DNMT3B: variants seen among roughly 807,000 people sequenced by gnomAD.
DNMT3B encodes DNA methyltransferase 3 beta, also known as DNA (cytosine-5)-methyltransferase 3B.
In DNMT3B, 37 loss-of-function variants were observed where a neutral mutation model predicts 120.2. The observed-to-expected ratio is 0.31, with a 90% CI of 0.24 to 0.40. The LOEUF (loss-of-function observed/expected upper bound fraction) is 0.40, where lower values mean the gene tolerates loss of function less well. DNMT3B is among the 10% of genes least tolerant of loss of function. The probability of loss-of-function intolerance (pLI) is 1.00; values close to 1 mark genes in which losing one functional copy is unlikely to be tolerated. For synonymous variants in DNMT3B, 412 were observed against 442.8 expected, an observed-to-expected ratio of 0.93 and a Z score of 0.87; for missense variants, 878 against 1,137.3, an observed-to-expected ratio of 0.77 and a Z score of 3.28.
intron 7 of DNMT3B, among the ~76,000 whole-genome samples, chr20:32,790,535 C>CT (rs1202459434): frequency 8.0e-6 from 1 of 124,846 alleles, no homozygotes; most frequent in Non-Finnish European, 1.7e-5. Flanking sequence ...GCGGTTTCCC[C>CT]CCACCAGAGC....
At chr20:32,778,050 C>T (rs903280421) in intron 1 of DNMT3B, among the ~76,000 whole-genome samples, 1 of 152,144 alleles carries the variant, frequency 6.6e-6, no homozygotes, top group African/African-American at 2.4e-5. Context: ...GTGAAAATCC[C>T]GCTTCAGGCC....
intron 21 of DNMT3B, 114 bp from the exon 22 acceptor site, chr20:32,806,095 C>A: frequency 1.0e-6 from 1 of 959,768 alleles, no homozygotes; most frequent in South Asian, 1.3e-5. Context: ...CCAGCCCTGC[C>A]ACTCTTCTGC....
At chr20:32,793,455 A>G in intron 9 of DNMT3B, 81 bp from the exon 10 acceptor site, 1 of 1,504,000 alleles carries the variant, frequency 6.6e-7, no homozygotes, top group East Asian at 2.3e-5. Flanking sequence ...GTGACAGAGC[A>G]AGACCTTGTC....
intron 1 of DNMT3B, among the ~76,000 whole-genome samples, chr20:32,768,602 C>T (rs1987531604): frequency 6.6e-6 from 1 of 152,108 alleles, no homozygotes; most frequent in African/African-American, 2.4e-5. Flanking sequence ...TGTGAGCCAC[C>T]ATGCCTGGTC....
intron 20 of DNMT3B, among the ~76,000 whole-genome samples, chr20:32,802,722 G>T (rs1981503879): frequency 6.6e-6 from 1 of 152,182 alleles, no homozygotes; most frequent in African/African-American, 2.4e-5. Flanking sequence ...CCACGTGGCT[G>T]GGTGTGGTGG....
intron 20 of DNMT3B, among the ~76,000 whole-genome samples, chr20:32,803,452 C>A (rs767331905): frequency 1.3e-5 from 2 of 152,198 alleles, no homozygotes; most frequent in African/African-American, 2.4e-5. Context: ...GGCTAAGCAG[C>A]CAGTCTTAGG....
intron 1 of DNMT3B, among the ~76,000 whole-genome samples, chr20:32,763,973 GCTT>G (rs1987138374): frequency 6.6e-6 from 1 of 152,200 alleles, no homozygotes; most frequent in Non-Finnish European, 1.5e-5. Flanking sequence ...GCCTGCTGGG[GCTT>G]CTTGTTCACC....
At position 32,784,753 on chromosome 20, in the gene DNMT3B, T is replaced by C; in HGVS notation, c.205-5T>C. The C allele has an allele frequency of 6.2e-7, 1 of 1,614,054 alleles. No individual in the cohort carries two copies. Among genetic ancestry groups the C allele is most frequent in the Non-Finnish European group, 8.5e-7 (1 of 1,179,978 alleles). ...TCATCATGTTCATCATGTTTCCTTATAAAGGACTTGACAGGCGATGGCGAC... is the reference window on the plus strand; with the variant it reads ...TCATCATGTTCATCATGTTTCCTTACAAAGGACTTGACAGGCGATGGCGAC... On this transcript the variant is annotated splice_polypyrimidine_tract_variant and splice_region_variant and intron_variant, in intron 3 of 22. Transcript: ENST00000328111.
At chr20:32,767,115 C>A (rs780779351) in intron 1 of DNMT3B, among the ~76,000 whole-genome samples, 1 of 151,946 alleles carries the variant, frequency 6.6e-6, no homozygotes, top group East Asian at 1.9e-4. Context: ...TGGTCTCGAA[C>A]TCCCAACCTC....
chr20:32,797,599 T>C (rs1980795986), intron 14 of DNMT3B, among the ~76,000 whole-genome samples: 1 of 151,834 alleles, frequency 6.6e-6, no homozygotes. Context: ...GCTCAAGCAA[T>C]CCTCCCACCT....
chr20:32,799,341 AACACCTGGAGACACTGCTATCGTGTC>A lies in DNMT3B; in HGVS notation c.1759+17_1759+42del, dbSNP rs1330796542. ...GGCATCGCGACAGGTGAGTTCGGGG[AACACCTGGAGACACTGCTATCGTGTC>A]ACAACAGGGTAGCCAGGGAGTCAGA... is the stretch of plus-strand genomic sequence containing the variant. On this transcript the variant is annotated intron_variant, in intron 16 of 22. Transcript: ENST00000328111. 5.6e-6 allele frequency: 9 copies of A among 1,609,690 alleles called. No homozygotes were observed. The South Asian group carries it at 8.9e-5, about 16-fold the overall frequency.
Position 32,762,472 on chromosome 20 carries a change from G to A in DNMT3B, c.-234G>A, listed in dbSNP as rs756914098. On this transcript the variant is annotated 5_prime_UTR_variant, in exon 1 of 23. Coordinates refer to ENST00000328111, the MANE Select transcript of DNMT3B (RefSeq NM_006892.4). ...CGGCCGCAGCCCGCGTGGACGCTCC[G>A]AGCGCCCCCCGACGGACGGGACCGG... is the stretch of plus-strand genomic sequence containing the variant. The A allele has an allele frequency of 1.1e-5, 2 of 178,774 alleles. No individual in the cohort carries two copies. Among genetic ancestry groups the A allele is most frequent in the Non-Finnish European group, 1.2e-5 (1 of 85,300 alleles). 11.1% of individuals were successfully genotyped at this position (178,774 alleles called of 1,614,324 possible).
intron 20 of DNMT3B, among the ~76,000 whole-genome samples, chr20:32,803,738 G>C (rs1487572080): frequency 6.6e-6 from 1 of 152,108 alleles, no homozygotes; most frequent in Admixed American, 6.5e-5. Context: ...GTGGGAAGAG[G>C]GTCTGGGATG....
Position 32,788,883 on chromosome 20 carries a change from C to T in DNMT3B, c.684C>T (p.Leu228=), listed in dbSNP as rs373811098. The T allele has an allele frequency of 6.9e-5, 111 of 1,613,686 alleles. No homozygotes were observed. Among genetic ancestry groups the T allele is most frequent in the Middle Eastern group, 6.6e-4 (4 of 6,084 alleles). ...GGAAGGAGTTTGGAATAGGGGACCTCGTGTGGGGAAAGATCAAGGGCTTCT... is the reference window on the plus strand; with the variant it reads ...GGAAGGAGTTTGGAATAGGGGACCTTGTGTGGGGAAAGATCAAGGGCTTCT... The part of the protein sequence containing the change: ...QDGKEFGIGD[L]VWGKIKGFSW... Residue 228 remains leucine (L), a synonymous_variant, in exon 7 of 23, where the codon CTC becomes CTT. Coordinates refer to ENST00000328111, the MANE Select transcript of DNMT3B (RefSeq NM_006892.4).
At chr20:32,780,710 T>C (rs1007874778) in intron 2 of DNMT3B, among the ~76,000 whole-genome samples, 2 of 152,160 alleles carry the variant, frequency 1.3e-5, no homozygotes, top group African/African-American at 4.8e-5. Flanking sequence ...GATGGTTCCC[T>C]GTCCTCTGCC....
chr20:32,799,583 G>C (rs1447704313), intron 16 of DNMT3B, among the ~76,000 whole-genome samples: 1 of 152,136 alleles, frequency 6.6e-6, no homozygotes, highest in Non-Finnish European at 1.5e-5. Flanking sequence ...GCAATGGCGT[G>C]ATCTGTGCTC....
intron 1 of DNMT3B, among the ~76,000 whole-genome samples, chr20:32,770,022 A>T (rs1987622288): frequency 6.6e-6 from 1 of 151,954 alleles, no homozygotes; most frequent in Non-Finnish European, 1.5e-5. Flanking sequence ...TGTAGCCTCA[A>T]CTCCAATGCT....
At chr20:32,795,762 G>A in intron 12 of DNMT3B, 68 bp downstream of exon 12, 1 of 1,596,606 alleles carries the variant, frequency 6.3e-7, no homozygotes, top group Non-Finnish European at 8.6e-7. Flanking sequence ...GCCTTGTCCT[G>A]GCTCATCCAC....
In DNMT3B at chr20:32,780,399, G is replaced by T; in HGVS notation, c.76G>T (p.Ala26Ser). The change falls in exon 2 of 23, where the codon GCC (alanine) becomes TCC (serine). Residue 26 changes from alanine to serine, a missense_variant. Physicochemically the swap from Ala to Ser is moderately conservative, Grantham distance 99 (BLOSUM62 1). Around this residue, in one of 4 missense-constraint regions of DNMT3B, gnomAD observed 287 missense variants for 306.2 expected, o/e 0.94. Transcript: ENST00000328111. ...GREDSILVNG[A>S]CSDQSSDSPP... ...GGAAGACTCGATCCTCGTCAACGGG[G>T]CCTGCAGCGACCAGTCCTCCGACTC... The T allele has an allele frequency of 1.2e-6, 2 of 1,613,878 alleles. No individual in the cohort carries two copies. Among genetic ancestry groups the T allele is most frequent in the Non-Finnish European group, 1.7e-6 (2 of 1,179,988 alleles).
Sources: allele counts gnomAD v4.1 joint callset (sites outside exome capture counted in the v4.1 genomes callset), GRCh38; gene constraint gnomAD v4.1.1; regional missense constraint gnomAD v4.1.1; transcripts MANE v1.5; gene names NCBI Gene and HGNC (gene_info 2026-07-23, HGNC 2026-07-21).